The following DLG2 variants were observed in gnomAD, a reference collection of about 807,000 sequenced individuals.
DLG2 encodes discs large MAGUK scaffold protein 2.
A neutral mutation model predicts 132.5 loss-of-function variants in DLG2; 45 were observed. The ratio of observed to expected loss-of-function variants is 0.34; its 90% CI spans 0.27 to 0.44. The LOEUF (loss-of-function observed/expected upper bound fraction) is 0.44, where lower values mean the gene tolerates loss of function less well. Among genes scored for constraint, DLG2 ranks in the 20% least tolerant of loss-of-function variants. The pLI, the probability that DLG2 is intolerant of heterozygous loss-of-function variation, is 1.00. For missense variants in DLG2, 1,045 were observed against 1,196.9 expected, an observed-to-expected ratio of 0.87 and a Z score of 1.87; for synonymous variants, 424 against 419.6, an observed-to-expected ratio of 1.01 and a Z score of -0.13.
intron 14 of DLG2, among the ~76,000 whole-genome samples, chr11:83,938,480 T>C (rs2081981481): frequency 6.6e-6 from 1 of 151,908 alleles, no homozygotes; most frequent in South Asian, 2.1e-4. Context: ...ATTTAGGGAG[T>C]TTGTTAATGG....
chr11:84,918,560 G>GAAT (rs1217828525), intron 6 of DLG2, among the ~76,000 whole-genome samples: 2 of 152,120 alleles, frequency 1.3e-5, no homozygotes, highest in Non-Finnish European at 2.9e-5. Context: ...CAATTTCACT[G>GAAT]AATAAACCTG....
intron 4 of DLG2, among the ~76,000 whole-genome samples, chr11:85,238,735 C>T (rs150707548): frequency 4.1e-4 from 63 of 152,086 alleles, no homozygotes; most frequent in African/African-American, 1.5e-3. Flanking sequence ...TACATAAAAG[C>T]TGCATTTTCA....
At chr11:84,921,934 T>C (rs1292141531) in intron 6 of DLG2, among the ~76,000 whole-genome samples, 1 of 152,182 alleles carries the variant, frequency 6.6e-6, no homozygotes, top group African/African-American at 2.4e-5. Context: ...GCAAATTCTA[T>C]AGAACTCTGC....
chr11:84,013,216 A>G (rs1487709182), intron 11 of DLG2, among the ~76,000 whole-genome samples: 1 of 152,164 alleles, frequency 6.6e-6, no homozygotes, highest in Non-Finnish European at 1.5e-5. Flanking sequence ...GAGATTTTGA[A>G]GCCAGCTATT....
chr11:84,916,377 A>AAAC (rs2092469360), intron 6 of DLG2, among the ~76,000 whole-genome samples: 1 of 148,618 alleles, frequency 6.7e-6, no homozygotes, highest in Non-Finnish European at 1.5e-5. Context: ...AAAAAAAAAA[A>AAAC]AAGAAGCAGT....
chr11:84,056,024 T>C (rs78762414), intron 11 of DLG2, among the ~76,000 whole-genome samples: 42 of 152,278 alleles, frequency 2.8e-4, no homozygotes, highest in African/African-American at 1.0e-3. Flanking sequence ...ATTGTACCCA[T>C]GTGCTCAAGG....
intron 15 of DLG2, among the ~76,000 whole-genome samples, chr11:83,876,450 C>A (rs965457921): frequency 1.3e-5 from 2 of 151,866 alleles, no homozygotes; most frequent in Non-Finnish European, 2.9e-5. Context: ...ACAAAAATAT[C>A]ATAAATTTAC....
chr11:84,826,437 G>T (rs145920743), intron 6 of DLG2, among the ~76,000 whole-genome samples: 1 of 151,984 alleles, frequency 6.6e-6, no homozygotes, highest in Non-Finnish European at 1.5e-5. Context: ...GAGCCTCGGA[G>T]GCAAAAATAC....
intron 6 of DLG2, among the ~76,000 whole-genome samples, chr11:84,714,176 AAT>A (rs773739608): frequency 1.5e-4 from 19 of 129,644 alleles, no homozygotes; most frequent in Non-Finnish European, 2.9e-4. Flanking sequence ...GTTACTATAA[AAT>A]AAAAAAAAAA....
rs762971286 is a variant in DLG2 at position 84,273,134 on chromosome 11, AAG to A, written c.520-21845_520-21844del. The A allele has an allele frequency of 1.1e-5, 16 of 1,500,216 alleles. No individual in the cohort carries two copies. The South Asian group carries it at 1.9e-4, about 18-fold the overall frequency. The allele number at this position is 1,500,216 out of a possible 1,614,324, so 92.9% of individuals were successfully genotyped here. A position where few individuals can be genotyped will look rare whatever the true frequency, so the allele number is the denominator to read the frequency against. ...AATAAAAGAATCCCTAGGAAAATAA[AAG>A]AAAATTTTCCTTACCGGAATAAATG... On this transcript the variant is annotated intron_variant, in intron 7 of 27. Coordinates refer to ENST00000376104, the MANE Select transcript of DLG2 (RefSeq NM_001142699.3).
chr11:85,158,679 G>A (rs1169738029), intron 4 of DLG2, among the ~76,000 whole-genome samples: 1 of 152,138 alleles, frequency 6.6e-6, no homozygotes, highest in Non-Finnish European at 1.5e-5. Context: ...GGTGGCAGGG[G>A]CCAAGCGGTA....
At chr11:83,942,509 G>T (rs11233829) in intron 14 of DLG2, among the ~76,000 whole-genome samples, 11,627 of 152,064 alleles carry the variant, frequency 0.076, 604 homozygotes, top group Non-Finnish European at 0.12. Flanking sequence ...ATTTTTATTT[G>T]CTCCCACTAT....
intron 3 of DLG2, among the ~76,000 whole-genome samples, chr11:85,428,153 C>T (rs1459372041): frequency 2.0e-5 from 3 of 152,200 alleles, no homozygotes; most frequent in Non-Finnish European, 2.9e-5. Context: ...TAAAAAGAGA[C>T]TTAGACTCCC....
intron 17 of DLG2, among the ~76,000 whole-genome samples, chr11:83,828,559 T>C (rs777331241): frequency 6.6e-6 from 1 of 152,182 alleles, no homozygotes; most frequent in Non-Finnish European, 1.5e-5. Flanking sequence ...AAGTTCTTCA[T>C]TGAAGAAGCC....
rs140128700 is a variant in DLG2 at position 83,585,714 on chromosome 11, A to C, written c.1941-43856T>G. 9.0e-4 allele frequency among the ~76,000 whole-genome samples: 137 copies of C among 152,334 alleles called. 1 individual carries two copies. In the South Asian group the frequency reaches 9.1e-3, roughly 10 times the overall value. ...TTGCAAATGAAAATGGTGACATTCT[A>C]CCTTCTCAAAGAGAATTTCTAAGCA... is the stretch of plus-strand genomic sequence containing the variant. On this transcript the variant is annotated intron_variant, in intron 19 of 27. Coordinates refer to ENST00000376104, the MANE Select transcript of DLG2 (RefSeq NM_001142699.3).
chr11:84,191,586 C>G (rs2096408793), intron 8 of DLG2, among the ~76,000 whole-genome samples: 2 of 152,168 alleles, frequency 1.3e-5, no homozygotes, highest in African/African-American at 2.4e-5. Context: ...TGCAAATGAA[C>G]TAATACAAAT....
At position 84,201,595 on chromosome 11, in the gene DLG2, T is replaced by A. The variant is rs1340291641; in HGVS notation, c.574-38084A>T. Among the ~76,000 whole-genome samples, 11 of 122,544 alleles carry A rather than the reference T, an allele frequency of 9.0e-5. No individual in the cohort carries two copies. In the South Asian group the frequency reaches 1.6e-3, roughly 18 times the overall value. 80.4% of individuals were successfully genotyped at this position (122,544 alleles called of 152,430 possible). On this transcript the variant is annotated intron_variant, in intron 8 of 27. Transcript: ENST00000376104. ...TGGTTCTGGGCTTTTTTTTTTTTTT[T>A]ATTGGTAGGCTATTTATTACTGCCT...
chr11:84,089,134 A>G (rs1174561302), intron 10 of DLG2, among the ~76,000 whole-genome samples: 1 of 152,174 alleles, frequency 6.6e-6, no homozygotes, highest in Non-Finnish European at 1.5e-5. Context: ...TACTCTAAGA[A>G]TTTAGCAATC....
At chr11:85,052,036 T>C (rs2062949770) in intron 6 of DLG2, among the ~76,000 whole-genome samples, 1 of 152,174 alleles carries the variant, frequency 6.6e-6, no homozygotes, top group East Asian at 1.9e-4. Context: ...CTCAGCAAGA[T>C]AAATTTTTAA....
Sources: gnomAD v4.1 joint callset for allele counts (sites outside exome capture counted in the v4.1 genomes callset) on GRCh38, gnomAD v4.1.1 for gene constraint, MANE v1.5 for transcripts, NCBI Gene and HGNC (gene_info 2026-07-23, HGNC 2026-07-21) for gene names.